POPDC1: variants seen among roughly 807,000 people sequenced by gnomAD.
POPDC1 encodes the protein popeye domain cAMP effector 1.
At chr6:105,133,606 C>G in the POPDC1 span, 1 of 1,533,210 alleles carries the variant, frequency 6.5e-7, no homozygotes, top group Non-Finnish European at 8.8e-7. Flanking sequence ...AACAAGTAAA[C>G]AAAAGTAAAA....
the POPDC1 span, among the ~76,000 whole-genome samples, chr6:105,129,913 C>A: frequency 7.2e-5 from 11 of 152,154 alleles, 1 homozygote; most frequent in Admixed American, 2.6e-4. Context: ...GAAAGTGAAT[C>A]CATGGATGTG....
At chr6:105,128,642 A>G in the POPDC1 span, among the ~76,000 whole-genome samples, 64 of 152,344 alleles carry the variant, frequency 4.2e-4, no homozygotes, top group African/African-American at 1.4e-3. Flanking sequence ...TGCCTATTAT[A>G]TATCATCTGC....
At chr6:105,101,498 G>T in the POPDC1 span, among the ~76,000 whole-genome samples, 1 of 152,172 alleles carries the variant, frequency 6.6e-6, no homozygotes, top group East Asian at 1.9e-4. Flanking sequence ...CCAGGGGTTT[G>T]CCCCACAGTC....
the POPDC1 span, chr6:105,124,534 TGTGAAAACATAC>T: frequency 6.5e-7 from 1 of 1,538,642 alleles, no homozygotes; most frequent in Admixed American, 1.7e-5. Flanking sequence ...TTAAAAATCA[TGTGAAAACATAC>T]CTGGAATTTT....
the POPDC1 span, chr6:105,097,866 T>C: frequency 2.0e-5 from 3 of 152,222 alleles, no homozygotes; most frequent in Non-Finnish European, 4.4e-5. Context: ...AATAATTATA[T>C]AGCACCCATT....
At chr6:105,123,555 C>G in the POPDC1 span, among the ~76,000 whole-genome samples, 1 of 151,866 alleles carries the variant, frequency 6.6e-6, no homozygotes, top group African/African-American at 2.4e-5. Flanking sequence ...TGCCCACCAC[C>G]ACGCCCAGCT....
the POPDC1 span, chr6:105,100,462 AATG>A: frequency 3.3e-5 from 5 of 151,912 alleles, no homozygotes; most frequent in African/African-American, 9.7e-5. Flanking sequence ...GTGAGCTGAG[AATG>A]TGCCACTACA....
the POPDC1 span, chr6:105,129,556 G>T: frequency 3.9e-6 from 6 of 1,548,442 alleles, no homozygotes; most frequent in African/African-American, 5.5e-5. Context: ...CCTAAGTGGG[G>T]AGCTTAATAA....
the POPDC1 span, chr6:105,100,542 GTATATA>G: frequency 2.2e-5 from 3 of 134,376 alleles, no homozygotes; most frequent in African/African-American, 5.8e-5. Context: ...ATGTGTGTAT[GTATATA>G]TATGTATATA....
At chr6:105,125,631 C>A in the POPDC1 span, 13 of 1,538,050 alleles carry the variant, frequency 8.5e-6, no homozygotes, top group East Asian at 2.3e-5. Flanking sequence ...AATCCCAAAA[C>A]ACTGACTTCT....
At chr6:105,098,547 A>AT in the POPDC1 span, 1 of 152,230 alleles carries the variant, frequency 6.6e-6, no homozygotes, top group African/African-American at 2.4e-5. Flanking sequence ...AAACACATGC[A>AT]TTACTTTCTA....
the POPDC1 span, among the ~76,000 whole-genome samples, chr6:105,109,903 T>C: frequency 3.9e-5 from 6 of 152,086 alleles, no homozygotes; most frequent in African/African-American, 1.4e-4. Context: ...GTCAGTTCTT[T>C]TTTTTTCACT....
chr6:105,116,869 C>G, the POPDC1 span: 1 of 1,610,220 alleles, frequency 6.2e-7, no homozygotes, highest in Non-Finnish European at 8.5e-7. Context: ...TAATGGTGAC[C>G]TGCCAAAGAA....
the POPDC1 span, chr6:105,125,454 T>C: frequency 6.2e-7 from 1 of 1,614,220 alleles, no homozygotes; most frequent in South Asian, 1.1e-5. Context: ...AGCATAAGTT[T>C]GGCCCTTTTT....
chr6:105,100,912 T>C, the POPDC1 span: 2 of 556,840 alleles, frequency 3.6e-6, no homozygotes, highest in East Asian at 3.4e-5. Context: ...AGCTGACTAA[T>C]AAAAAGGGTA....
At chr6:105,116,735 A>C in the POPDC1 span, 2 of 1,607,996 alleles carry the variant, frequency 1.2e-6, no homozygotes, top group Non-Finnish European at 8.5e-7. Context: ...CAATGAGTAG[A>C]GCTTATTTGT....
At chr6:105,122,986 A>G in the POPDC1 span, among the ~76,000 whole-genome samples, 1 of 152,196 alleles carries the variant, frequency 6.6e-6, no homozygotes, top group Non-Finnish European at 1.5e-5. Context: ...GAAGGGCGGG[A>G]GCAGGGCAGG....
At chr6:105,117,837 G>A in the POPDC1 span, among the ~76,000 whole-genome samples, 288 of 152,298 alleles carry the variant, frequency 1.9e-3, 2 homozygotes, top group African/African-American at 6.7e-3. Context: ...GTTGTATGAA[G>A]GACTTAAGCA....
chr6:105,125,356 T>C, the POPDC1 span: 1 of 1,606,860 alleles, frequency 6.2e-7, no homozygotes, highest in Non-Finnish European at 8.5e-7. Context: ...AGATTAAAGG[T>C]AAACTAGGAA....
Sources: gnomAD v4.1 joint callset for allele counts (sites outside exome capture counted in the v4.1 genomes callset) on GRCh38, gnomAD v4.1.1 for gene constraint, MANE v1.5 for transcripts, NCBI Gene and HGNC (gene_info 2026-07-23, HGNC 2026-07-21) for gene names.